Variants in ACSM3 observed in about 807,000 individuals in gnomAD.
ACSM3 encodes acyl-coenzyme A synthetase ACSM3, mitochondrial.
Under a neutral mutation model 74.1 loss-of-function variants are expected in ACSM3, and 61 were observed. That is an observed-to-expected ratio of 0.82 (90% confidence interval 0.67 to 1.02). The LOEUF is 1.02. Among genes scored for constraint, ACSM3 ranks in the 50% least tolerant of loss-of-function variants. The probability of loss-of-function intolerance (pLI) is 0.00; values close to 1 mark genes in which losing one functional copy is unlikely to be tolerated. For synonymous variants in ACSM3, 213 were observed against 241.5 expected (o/e 0.88, Z 1.09); for missense variants, 660 against 697.0 (o/e 0.95, Z 0.60).
chr16:20,677,509 C>T (rs2020360769), intron 1 of ACSM3, among the ~76,000 whole-genome samples: 1 of 152,214 alleles, frequency 6.6e-6, no homozygotes, highest in African/African-American at 2.4e-5. Context: ...AACCCGGCTA[C>T]CTTGCTCCTC....
intron 1 of ACSM3, among the ~76,000 whole-genome samples, chr16:20,722,811 T>C (rs2079790500): frequency 6.6e-6 from 1 of 152,216 alleles, no homozygotes; most frequent in Non-Finnish European, 1.5e-5. Context: ...GATTAATATA[T>C]ATACATTCCT....
In ACSM3 at chr16:20,737,138, C is replaced by T. The variant is rs2079877140; in HGVS notation, c.-189-12772C>T. On this transcript the variant is annotated intron_variant, in intron 1 of 3. Coordinates refer to the ACSM3 transcript ENST00000561584. ...GCTGTGACGGATCCTTAGGGCTCTT[C>T]ACCACCTCCTGGAGATTGTATTTTC... 4 of 1,614,202 alleles carry T rather than the reference C, an allele frequency of 2.5e-6. No individual in the cohort carries two copies. The East Asian group carries it at 6.7e-5, about 27-fold the overall frequency.
chr16:20,680,541 C>T (rs186438636), intron 1 of ACSM3: 107 of 152,368 alleles, frequency 7.0e-4, no homozygotes, highest in African/African-American at 2.5e-3. Flanking sequence ...CTTCGCTTAA[C>T]CCTGCCAGTG....
At chr16:20,677,959 T>C (rs2079341703) in intron 1 of ACSM3, among the ~76,000 whole-genome samples, 1 of 151,662 alleles carries the variant, frequency 6.6e-6, no homozygotes, top group African/African-American at 2.4e-5. Context: ...CCTTAAAAGA[T>C]GTGGCAGAGA....
intron 1 of ACSM3, among the ~76,000 whole-genome samples, chr16:20,687,665 T>G (rs917424818): frequency 6.6e-6 from 1 of 152,172 alleles, no homozygotes; most frequent in South Asian, 2.1e-4. Context: ...GCAAAGATTT[T>G]AAATCAATTG....
At chr16:20,736,014 T>C (rs565651403) in intron 1 of ACSM3, 1 of 152,194 alleles carries the variant, frequency 6.6e-6, no homozygotes, top group Non-Finnish European at 1.5e-5. Flanking sequence ...AAAGCCTTAC[T>C]GTTTTTGATA....
At chr16:20,741,853 G>T in intron 1 of ACSM3, 1 of 1,536,020 alleles carries the variant, frequency 6.5e-7, no homozygotes, top group African/African-American at 1.4e-5. Context: ...CCCCTAGCCG[G>T]CCTCGAAGCC....
chr16:20,722,023 A>C (rs2079787477), intron 1 of ACSM3: 1 of 152,224 alleles, frequency 6.6e-6, no homozygotes. Flanking sequence ...ACTGGGATAA[A>C]TATTGTAGAA....
chr16:20,718,923 T>C (rs2079776199), intron 1 of ACSM3, among the ~76,000 whole-genome samples: 1 of 152,236 alleles, frequency 6.6e-6, no homozygotes, highest in East Asian at 1.9e-4. Flanking sequence ...GTCTGGTCTC[T>C]TGCTCACTGC....
intron 9 of ACSM3, among the ~76,000 whole-genome samples, chr16:20,786,727 A>G (rs569458947): frequency 3.9e-5 from 6 of 152,184 alleles, no homozygotes; most frequent in Non-Finnish European, 8.8e-5. Context: ...AAGAAACCCT[A>G]TGAGAAGCAT....
At chr16:20,742,141 T>G in intron 1 of ACSM3, 4 of 966,710 alleles carry the variant, frequency 4.1e-6, no homozygotes, top group Non-Finnish European at 5.5e-6. Flanking sequence ...ATATTAAATT[T>G]GAACTCAATT....
intron 1 of ACSM3, among the ~76,000 whole-genome samples, chr16:20,739,893 A>C (rs2079902579): frequency 6.6e-6 from 1 of 152,126 alleles, no homozygotes. Context: ...TAAAATTTGA[A>C]AATGTTTTCA....
intron 1 of ACSM3, among the ~76,000 whole-genome samples, chr16:20,723,407 G>C (rs2079793165): frequency 6.6e-6 from 1 of 152,172 alleles, no homozygotes; most frequent in Admixed American, 6.5e-5. Flanking sequence ...CCAGTAATGG[G>C]ATGGCTGGGT....
chr16:20,688,333 C>T (rs1457811863), intron 1 of ACSM3, among the ~76,000 whole-genome samples: 1 of 151,978 alleles, frequency 6.6e-6, no homozygotes, highest in Non-Finnish European at 1.5e-5. Flanking sequence ...AACCAATATA[C>T]CCATTTTGGG....
intron 1 of ACSM3, among the ~76,000 whole-genome samples, chr16:20,712,407 T>C (rs1471096615): frequency 6.6e-6 from 1 of 152,200 alleles, no homozygotes; most frequent in Non-Finnish European, 1.5e-5. Flanking sequence ...TGCTTAATAT[T>C]TACTGAATGA....
In ACSM3 at chr16:20,720,830, T is replaced by C. The variant is rs572636228; in HGVS notation, c.-189-29080T>C. 4.6e-5 allele frequency among the ~76,000 whole-genome samples: 7 copies of C among 152,336 alleles called. No individual in the cohort carries two copies. In the South Asian group the frequency reaches 1.2e-3, roughly 27 times the overall value. ...TCTTAGATATATACATTACACTTTA[T>C]AAAAACAATTAGAATCCATGGAGCA... On this transcript the variant is annotated intron_variant, in intron 1 of 3. Transcript: ENST00000561584.
At chr16:20,784,073 T>C (rs1396837972) in intron 7 of ACSM3, among the ~76,000 whole-genome samples, 1 of 152,174 alleles carries the variant, frequency 6.6e-6, no homozygotes, top group Non-Finnish European at 1.5e-5. Context: ...CCCAAAGTGC[T>C]GGGATTACAG....
chr16:20,722,355 T>C (rs527306682), intron 1 of ACSM3: 1 of 152,192 alleles, frequency 6.6e-6, no homozygotes, highest in Non-Finnish European at 1.5e-5. Flanking sequence ...CCTTTAAAAG[T>C]TGAGAAAGCC....
At chr16:20,723,133 G>T (rs2079791689) in intron 1 of ACSM3, among the ~76,000 whole-genome samples, 1 of 152,080 alleles carries the variant, frequency 6.6e-6, no homozygotes, top group African/African-American at 2.4e-5. Flanking sequence ...AACATGCGGT[G>T]TTTGGTTTTT....
Sources: allele counts gnomAD v4.1 joint callset (sites outside exome capture counted in the v4.1 genomes callset), GRCh38; gene constraint gnomAD v4.1.1; transcripts MANE v1.5; gene names NCBI Gene and HGNC (gene_info 2026-07-23, HGNC 2026-07-21).